SLC2A13: variants seen among roughly 807,000 people sequenced by gnomAD.
SLC2A13 encodes the protein proton myo-inositol cotransporter.
Under a neutral mutation model 64.4 loss-of-function variants are expected in SLC2A13, and 32 were observed. The observed-to-expected ratio is 0.50, with a 90% confidence interval of 0.37 to 0.67. The LOEUF is 0.67. SLC2A13 is among the 30% of genes least tolerant of loss of function. SLC2A13 has a pLI of 0.00. For missense variants in SLC2A13, 743 were observed against 829.2 expected (o/e 0.90, Z 1.28); for synonymous variants, 338 against 327.1 (o/e 1.03, Z -0.36).
chr12:40,022,170 A>T (rs770527837), intron 3 of SLC2A13, among the ~76,000 whole-genome samples: 30 of 152,206 alleles, frequency 2.0e-4, no homozygotes, highest in Non-Finnish European at 4.0e-4. Flanking sequence ...CTTCCCTACA[A>T]TACTCTTGCT....
chr12:39,939,213 A>C (rs1190120354), intron 4 of SLC2A13, among the ~76,000 whole-genome samples: 1 of 152,116 alleles, frequency 6.6e-6, no homozygotes, highest in Non-Finnish European at 1.5e-5. Context: ...TATCGTCCCC[A>C]AAATATCATC....
chr12:39,906,428 A>C (rs2136030152), intron 4 of SLC2A13, among the ~76,000 whole-genome samples: 1 of 152,264 alleles, frequency 6.6e-6, no homozygotes, highest in Middle Eastern at 3.4e-3. Context: ...ATAGATATGA[A>C]AGTCACTAGA....
intron 1 of SLC2A13, among the ~76,000 whole-genome samples, chr12:40,094,955 C>G (rs992170338): frequency 1.3e-5 from 2 of 152,150 alleles, no homozygotes; most frequent in African/African-American, 4.8e-5. Context: ...CAGGCAGGAA[C>G]AGCTGAGGAA....
At chr12:39,837,739 A>C (rs1943055666) in intron 6 of SLC2A13, among the ~76,000 whole-genome samples, 1 of 152,234 alleles carries the variant, frequency 6.6e-6, no homozygotes, top group South Asian at 2.1e-4. Context: ...CACATGAAAA[A>C]ATGCTCATCA....
chr12:40,091,818 T>C (rs952974529), intron 1 of SLC2A13, among the ~76,000 whole-genome samples: 12 of 152,184 alleles, frequency 7.9e-5, no homozygotes, highest in Non-Finnish European at 1.0e-4. Flanking sequence ...CCAACAGAGA[T>C]AAAATGGGAA....
Position 40,048,303 on chromosome 12 carries a change from T to C in SLC2A13, c.557-93A>G, listed in dbSNP as rs182683713. 8.9e-5 allele frequency: 114 copies of C among 1,287,640 alleles called. No individual in the cohort carries two copies. The African/African-American group carries it at 1.5e-3, about 17-fold the overall frequency. The allele number at this position is 1,287,640 out of a possible 1,614,324, so 79.8% of individuals were successfully genotyped here. ...CTAGATTTAGGCATACACTTACATA[T>C]ATGGGCTTGGTTTTCTACTTTAAGC... On this transcript the variant is annotated intron_variant, in intron 1 of 9. Transcript: ENST00000280871.
At chr12:40,007,330 G>A (rs1284914181) in intron 3 of SLC2A13, among the ~76,000 whole-genome samples, 4 of 151,960 alleles carry the variant, frequency 2.6e-5, no homozygotes, top group Non-Finnish European at 4.4e-5. Context: ...TTAAGCACAC[G>A]GTCTAGTAAG....
intron 4 of SLC2A13, among the ~76,000 whole-genome samples, chr12:39,878,298 G>A (rs940163370): frequency 6.6e-6 from 1 of 152,218 alleles, no homozygotes; most frequent in East Asian, 1.9e-4. Flanking sequence ...ATGGGCAGAG[G>A]TTGGAAGAAT....
rs1215858893 is a variant in SLC2A13, at chr12:39,758,592, A to AATT, written c.*1431_*1433dup. 6 of 152,012 alleles carry AATT rather than the reference A, an allele frequency of 3.9e-5. No homozygotes were observed. Among genetic ancestry groups the AATT allele is most frequent in the African/African-American group, 1.4e-4 (6 of 41,418 alleles). 9.4% of individuals were successfully genotyped at this position (152,012 alleles called of 1,614,324 possible). A position where few individuals can be genotyped will look rare whatever the true frequency, so the allele number is the denominator to read the frequency against. On this transcript the variant is annotated 3_prime_UTR_variant, in exon 10 of 10. Transcript: ENST00000280871. ...ATATAGTTCTTAATAGAAAAGCAAA[A>AATT]ATTAAGAGTTCAGTGATGAATTACC...
At chr12:39,950,019 C>G (rs1242926251) in intron 4 of SLC2A13, 2 of 152,102 alleles carry the variant, frequency 1.3e-5, no homozygotes, top group African/African-American at 2.4e-5. Context: ...CAGAGAGAAG[C>G]AGGAGAGAAC....
At chr12:39,837,398 C>A (rs1384440653) in intron 6 of SLC2A13, among the ~76,000 whole-genome samples, 1 of 134,980 alleles carries the variant, frequency 7.4e-6, no homozygotes, top group Non-Finnish European at 1.6e-5. Flanking sequence ...TAGAAGAAAA[C>A]CTAGGCATTA....
At chr12:39,898,153 TAG>T (rs1944976915) in intron 4 of SLC2A13, among the ~76,000 whole-genome samples, 1 of 152,178 alleles carries the variant, frequency 6.6e-6, no homozygotes, top group African/African-American at 2.4e-5. Context: ...TTTCCATTTG[TAG>T]AAGTATTCCC....
intron 7 of SLC2A13, among the ~76,000 whole-genome samples, chr12:39,785,457 C>T (rs941103771): frequency 1.9e-4 from 29 of 152,196 alleles, no homozygotes; most frequent in African/African-American, 7.0e-4. Context: ...TGCCTGGATG[C>T]CCAGGCAAAA....
intron 6 of SLC2A13, among the ~76,000 whole-genome samples, chr12:39,846,955 T>A (rs1465054183): frequency 6.6e-6 from 1 of 152,152 alleles, no homozygotes; most frequent in Non-Finnish European, 1.5e-5. Context: ...TTCAGATCAC[T>A]CATTTTGAAC....
chr12:39,955,874 T>C (rs1946306292), intron 3 of SLC2A13, among the ~76,000 whole-genome samples: 1 of 152,168 alleles, frequency 6.6e-6, no homozygotes, highest in African/African-American at 2.4e-5. Context: ...CTCTACGGAC[T>C]CTGGAGGGGG....
intron 3 of SLC2A13, among the ~76,000 whole-genome samples, chr12:40,000,580 C>T (rs1362118203): frequency 6.6e-6 from 1 of 152,158 alleles, no homozygotes; most frequent in Non-Finnish European, 1.5e-5. Context: ...TCTAGAGGCT[C>T]AAAGTCCAAG....
rs186416389 is a variant in SLC2A13 at position 39,956,987 on chromosome 12, C to G, written c.926-5622G>C. Among the ~76,000 whole-genome samples the G allele has an allele frequency of 6.8e-4, 103 of 152,240 alleles. 1 individual carries two copies. Among genetic ancestry groups the G allele is most frequent in the Admixed American group, 1.5e-3 (23 of 15,292 alleles). ...CTCAATTTAGGGCCCTATAATTGGG[C>G]TACAATCAAGCACAGCAAGATCCCC... is the stretch of plus-strand genomic sequence containing the variant. On this transcript the variant is annotated intron_variant, in intron 3 of 9. Transcript: ENST00000280871.
At chr12:39,817,667 A>C (rs1415206336) in intron 7 of SLC2A13, among the ~76,000 whole-genome samples, 1 of 152,218 alleles carries the variant, frequency 6.6e-6, no homozygotes, top group Non-Finnish European at 1.5e-5. Flanking sequence ...CTACTATTTC[A>C]GTTAGTAGTC....
chr12:40,081,309 G>C (rs1394717371), intron 1 of SLC2A13, among the ~76,000 whole-genome samples: 1 of 152,146 alleles, frequency 6.6e-6, no homozygotes, highest in Non-Finnish European at 1.5e-5. Flanking sequence ...CAAGTTGCTT[G>C]CTCTCTCTGT....
Sources: gnomAD v4.1 joint callset for allele counts (sites outside exome capture counted in the v4.1 genomes callset) on GRCh38, gnomAD v4.1.1 for gene constraint, MANE v1.5 for transcripts, NCBI Gene and HGNC (gene_info 2026-07-23, HGNC 2026-07-21) for gene names.